The following DMD variants were observed in gnomAD, a reference collection of about 807,000 sequenced individuals.
DMD encodes mutant dystrophin.
A neutral mutation model predicts 330.1 loss-of-function variants in DMD; 63 were observed. The observed-to-expected ratio is 0.19, with a 90% CI of 0.16 to 0.24. DMD has a LOEUF of 0.24. Among genes scored for constraint, DMD ranks in the 10% least tolerant of loss-of-function variants. DMD has a pLI of 1.00. For missense variants in DMD, 3,344 were observed against 2,684.1 expected (o/e 1.25, Z -5.43); for synonymous variants, 1,223 against 959.8 (o/e 1.27, Z -5.07).
chrX:32,529,666 C>A (rs956178825), intron 17 of DMD, among the ~76,000 whole-genome samples: 7 of 110,795 alleles, frequency 6.3e-5, no homozygotes, highest in Non-Finnish European at 9.4e-5. Flanking sequence ...ACCCAAGATA[C>A]AAAAACTGAG....
intron 2 of DMD, among the ~76,000 whole-genome samples, chrX:32,948,964 T>C (rs2091008634): frequency 9.0e-6 from 1 of 111,504 alleles, no homozygotes; most frequent in Admixed American, 9.6e-5. Context: ...TATTTTATAA[T>C]AACTGAACAA....
At position 32,053,585 on chromosome X, in the gene DMD, A is replaced by G. The variant is rs767618986; in HGVS notation, c.6439-85071T>C. 2.6e-3 allele frequency among the ~76,000 whole-genome samples: 284 copies of G among 110,368 alleles called. 2 individuals are homozygous for G. Among genetic ancestry groups the G allele is most frequent in the African/African-American group, 9.0e-3 (272 of 30,342 alleles). ...GAGGCATTGTTGTTTTTTCTCGCCC[A>G]CTCTCAAGCCACACATACCACTCTC... is the stretch of plus-strand genomic sequence containing the variant. On this transcript the variant is annotated intron_variant, in intron 44 of 78. Transcript: ENST00000357033.
chrX:33,248,134 C>G (rs767593858), intron 1 of DMD, among the ~76,000 whole-genome samples: 2 of 111,148 alleles, frequency 1.8e-5, no homozygotes, highest in Non-Finnish European at 3.8e-5. Flanking sequence ...CTCCGCCTCC[C>G]GGGTTCACAC....
chrX:31,626,781 A>C (rs2078872811), intron 55 of DMD, among the ~76,000 whole-genome samples: 3 of 112,375 alleles, frequency 2.7e-5, no homozygotes, highest in Non-Finnish European at 5.6e-5. Flanking sequence ...ATAATAGTTT[A>C]AAAATATCAT....
intron 9 of DMD, among the ~76,000 whole-genome samples, chrX:32,680,440 G>A (rs955538495): frequency 9.0e-6 from 1 of 111,026 alleles, no homozygotes; most frequent in African/African-American, 3.3e-5. Flanking sequence ...ACTGAGTAGA[G>A]TAAGTTTCTC....
chrX:31,137,779 G>A (rs1217721100), intron 76 of DMD, among the ~76,000 whole-genome samples: 2 of 111,033 alleles, frequency 1.8e-5, no homozygotes, highest in African/African-American at 6.6e-5. Context: ...TCTGAGGAGA[G>A]GGCTAGCAAG....
chrX:31,491,852 A>G (rs1374770502), intron 57 of DMD, among the ~76,000 whole-genome samples: 3 of 112,465 alleles, frequency 2.7e-5, no homozygotes, highest in Non-Finnish European at 5.6e-5. Context: ...AAATATTATC[A>G]CTAATCTGAA....
At chrX:31,734,570 C>A (rs1319812196) in intron 51 of DMD, among the ~76,000 whole-genome samples, 1 of 111,624 alleles carries the variant, frequency 9.0e-6, no homozygotes, top group East Asian at 2.8e-4. Context: ...TTTTGACCAA[C>A]AGAGGCCAGG....
intron 60 of DMD, among the ~76,000 whole-genome samples, chrX:31,439,825 A>G (rs936821037): frequency 1.3e-4 from 14 of 111,673 alleles, no homozygotes; most frequent in African/African-American, 4.6e-4. Flanking sequence ...CTTTTTTCTC[A>G]CCTGGTTTAG....
intron 55 of DMD, among the ~76,000 whole-genome samples, chrX:31,558,574 T>C (rs761230028): frequency 1.8e-5 from 2 of 111,138 alleles, no homozygotes; most frequent in African/African-American, 6.5e-5. Context: ...CATAAGTATG[T>C]AATTATAACA....
rs1569549001 is a variant in DMD, at chrX:32,178,830, G to GTGTGTGTGTGTGTGT, written c.6438+38085_6438+38086insACACACACACACACA. On this transcript the variant is annotated intron_variant, in intron 44 of 78. Coordinates refer to ENST00000357033, the MANE Select transcript of DMD (RefSeq NM_004006.3). ...TTTAAGGCTGAAAAATATTCCAGGG[G>GTGTGTGTGTGTGTGT]GTGTGTGTGTGTGTGTGTGTGTGTG... Among the ~76,000 whole-genome samples, 93 of 99,171 alleles carry GTGTGTGTGTGTGTGT rather than the reference G, an allele frequency of 9.4e-4. 1 individual carries two copies. The highest frequency in any genetic ancestry group is 3.3e-3 in the African/African-American group (88 of 26,395). 86.1% of individuals were successfully genotyped at this position (99,171 alleles called of 115,157 possible). A position where few individuals can be genotyped will look rare whatever the true frequency, so the allele number is the denominator to read the frequency against.
chrX:32,502,432 C>A (rs1326267808), intron 18 of DMD, among the ~76,000 whole-genome samples: 1 of 111,429 alleles, frequency 9.0e-6, no homozygotes, highest in South Asian at 3.7e-4. Flanking sequence ...TTCTGAATTC[C>A]TTTATTTCCC....
At chrX:32,519,391 A>T (rs996565105) in intron 17 of DMD, among the ~76,000 whole-genome samples, 1 of 110,869 alleles carries the variant, frequency 9.0e-6, no homozygotes, top group African/African-American at 3.3e-5. Context: ...AATATTTGAA[A>T]TCCGCTCTTT....
At chrX:31,836,020 G>T (rs1366652557) in intron 49 of DMD, among the ~76,000 whole-genome samples, 1 of 111,339 alleles carries the variant, frequency 9.0e-6, no homozygotes, top group Admixed American at 9.5e-5. Context: ...ATTTAGCACT[G>T]GACTCTCATT....
intron 2 of DMD, among the ~76,000 whole-genome samples, chrX:32,857,997 G>C (rs764084087): frequency 1.0e-3 from 102 of 99,889 alleles, no homozygotes; most frequent in African/African-American, 3.5e-3. Flanking sequence ...GGCACCGAGA[G>C]AGAGAAAGCA....
intron 7 of DMD, among the ~76,000 whole-genome samples, chrX:32,717,431 C>A (rs2065844385): frequency 9.0e-6 from 1 of 111,614 alleles, no homozygotes; most frequent in South Asian, 3.7e-4. Flanking sequence ...TGGTGTTAAT[C>A]CTGCAAGTGT....
chrX:32,545,559 T>C (rs1025333709), intron 16 of DMD, among the ~76,000 whole-genome samples: 1 of 111,699 alleles, frequency 9.0e-6, no homozygotes, highest in Non-Finnish European at 1.9e-5. Context: ...AAAGTCAATT[T>C]AGCGCCCCTT....
chrX:32,582,726 CTT>C (rs1305306842), intron 13 of DMD, among the ~76,000 whole-genome samples: 2 of 111,672 alleles, frequency 1.8e-5, no homozygotes, highest in South Asian at 3.7e-4. Context: ...CCAAAACAAA[CTT>C]AATGTGACTA....
chrX:32,987,909 A>G (rs2092884551), intron 2 of DMD, among the ~76,000 whole-genome samples: 1 of 110,489 alleles, frequency 9.1e-6, no homozygotes, highest in Non-Finnish European at 1.9e-5. Flanking sequence ...ATAAAAAATG[A>G]TGAAAATGGT....
Sources: allele counts gnomAD v4.1 joint callset (sites outside exome capture counted in the v4.1 genomes callset), GRCh38; gene constraint gnomAD v4.1.1; transcripts MANE v1.5; gene names NCBI Gene and HGNC (gene_info 2026-07-23, HGNC 2026-07-21).